Variants in FDFT1 observed in about 807,000 individuals in gnomAD.
FDFT1 encodes the protein farnesyl-diphosphate farnesyltransferase 1, also known as squalene synthase.
Under a neutral mutation model 46.8 loss-of-function variants are expected in FDFT1, and 68 were observed. The ratio of observed to expected loss-of-function variants is 1.45; its 90% CI spans 1.19 to 1.78. FDFT1 has a LOEUF of 1.78. Ranked by LOEUF, FDFT1 falls within the 40% of genes most tolerant of loss-of-function variation. The probability of loss-of-function intolerance (pLI) is 0.00; values close to 1 mark genes in which losing one functional copy is unlikely to be tolerated. For synonymous variants in FDFT1, 351 were observed against 185.1 expected (o/e 1.90, Z -7.28); for missense variants, 928 against 524.4 (o/e 1.77, Z -7.52).
At position 11,810,230 on chromosome 8, in the gene FDFT1, A is replaced by T. The variant is rs530896094; in HGVS notation, c.381+380A>T. ...GAAGTCCAGTGTTTCTTCCTGTGGGAAGACGCAGTCAAATTTTAGTGTTGT... is the reference window on the plus strand; with the variant it reads ...GAAGTCCAGTGTTTCTTCCTGTGGGTAGACGCAGTCAAATTTTAGTGTTGT... On this transcript the variant is annotated intron_variant, in intron 3 of 7. Coordinates refer to ENST00000220584, the MANE Select transcript of FDFT1 (RefSeq NM_004462.5). Among the ~76,000 whole-genome samples the T allele has an allele frequency of 1.1e-4, 16 of 152,332 alleles. No homozygotes were observed. The South Asian group carries it at 3.3e-3, about 32-fold the overall frequency.
chr8:11,814,791 T>C (rs556095457), intron 3 of FDFT1, among the ~76,000 whole-genome samples: 1 of 149,668 alleles, frequency 6.7e-6, no homozygotes, highest in African/African-American at 2.5e-5. Flanking sequence ...TAATATAAAT[T>C]GGGTAACTAA....
At chr8:11,813,420 T>A (rs890335805) in intron 3 of FDFT1, among the ~76,000 whole-genome samples, 7 of 152,226 alleles carry the variant, frequency 4.6e-5, no homozygotes, top group Non-Finnish European at 1.5e-5. Flanking sequence ...ATTTGATCTA[T>A]AACATCGTTT....
rs1435598471 is a variant in FDFT1, at chr8:11,835,949, T to C, written c.1033-2439T>C. ...AGGAGTGCGAAACCAGCCTGACTTATGTGATGAAACCCTGTCTCTACTAAA... is the reference window on the plus strand; with the variant it reads ...AGGAGTGCGAAACCAGCCTGACTTACGTGATGAAACCCTGTCTCTACTAAA... On this transcript the variant is annotated intron_variant, in intron 7 of 7. Transcript: ENST00000220584. 1.3e-4 allele frequency among the ~76,000 whole-genome samples: 16 copies of C among 127,040 alleles called. 1 individual carries two copies. The highest frequency in any genetic ancestry group is 1.7e-4 in the African/African-American group (6 of 34,852). 83.3% of individuals were successfully genotyped at this position (127,040 alleles called of 152,430 possible). A position where few individuals can be genotyped will look rare whatever the true frequency, so the allele number is the denominator to read the frequency against.
rs537894029 is a variant in FDFT1, at chr8:11,822,433, A to G, written c.510+555A>G. Among the ~76,000 whole-genome samples, 4 of 152,108 alleles carry G rather than the reference A, an allele frequency of 2.6e-5. 1 individual carries two copies. Among genetic ancestry groups the G allele is most frequent in the African/African-American group, 9.7e-5 (4 of 41,420 alleles). On this transcript the variant is annotated intron_variant, in intron 4 of 7. Transcript: ENST00000220584. ...GGGCCTCTTAATTTTTCAAACCTCA[A>G]AACTTGACAGCAGTTATCTTTGGAA...
intron 3 of FDFT1, among the ~76,000 whole-genome samples, chr8:11,814,690 T>C (rs997888374): frequency 3.3e-5 from 5 of 152,192 alleles, no homozygotes; most frequent in Non-Finnish European, 7.3e-5. Flanking sequence ...GCTTGGACTA[T>C]GGAAAAAGTA....
intron 1 of FDFT1, chr8:11,808,529 C>CT: frequency 1.5e-6 from 2 of 1,334,144 alleles, no homozygotes; most frequent in Non-Finnish European, 1.9e-6. Flanking sequence ...TGGCCGCAGC[C>CT]GCCTGCGGCA....
At chr8:11,804,499 T>G (rs1439890122) in intron 1 of FDFT1, among the ~76,000 whole-genome samples, 2 of 152,144 alleles carry the variant, frequency 1.3e-5, no homozygotes, top group Non-Finnish European at 2.9e-5. Flanking sequence ...CTGGGCAGTT[T>G]TTACATCCCC....
rs755745961 is a variant in FDFT1 at position 11,821,845 on chromosome 8, T to C, written c.477T>C (p.Asp159=). ...RMGIGMAEFL[D]KHVTSEQEWD... is the part of the protein sequence containing the mutation. ...GCATTGGGATGGCAGAGTTTTTGGA[T>C]AAGCATGTGACCTCTGAACAGGAGT... Residue 159 remains aspartate (D), a synonymous_variant, in exon 4 of 8, where the codon GAT becomes GAC. Transcript: ENST00000220584. The C allele has an allele frequency of 6.2e-6, 10 of 1,613,370 alleles. No homozygotes were observed. The highest frequency in any genetic ancestry group is 4.4e-5 in the South Asian group (4 of 91,070).
At chr8:11,802,419 A>G (rs17524874), upstream of FDFT1, 6,646 of 457,990 alleles carry the variant, frequency 0.015, 233 homozygotes, top group Admixed American at 0.086. Flanking sequence ...CCACCGCCTC[A>G]CCTCCAGTCC....
chr8:11,813,322 A>G (rs1807993525), intron 3 of FDFT1, among the ~76,000 whole-genome samples: 1 of 152,246 alleles, frequency 6.6e-6, no homozygotes, highest in African/African-American at 2.4e-5. Context: ...TTTTTAAATG[A>G]TAATAGCAAT....
intron 1 of FDFT1, among the ~76,000 whole-genome samples, chr8:11,804,600 CTTT>C (rs5889385): frequency 3.6e-4 from 35 of 97,356 alleles, no homozygotes; most frequent in East Asian, 1.3e-3. Context: ...CTTAGTTTCT[CTTT>C]TTTTTTTTTT....
chr8:11,801,828 G>A (rs1474003137), upstream of FDFT1: 4 of 386,600 alleles, frequency 1.0e-5, no homozygotes, highest in South Asian at 5.8e-5. Flanking sequence ...GGAGTAGTTG[G>A]GACTACAGGC....
intron 4 of FDFT1, among the ~76,000 whole-genome samples, chr8:11,824,682 C>G (rs901415721): frequency 1.3e-5 from 2 of 152,100 alleles, no homozygotes; most frequent in African/African-American, 4.8e-5. Flanking sequence ...GGAGATCATA[C>G]TGCTATGTAC....
intron 3 of FDFT1, among the ~76,000 whole-genome samples, chr8:11,819,067 G>T (rs1362948000): frequency 6.6e-6 from 1 of 152,164 alleles, no homozygotes; most frequent in African/African-American, 2.4e-5. Flanking sequence ...AAATCTCTGA[G>T]CATTTGCTTG....
chr8:11,830,515 T>C lies in FDFT1; in HGVS notation c.879+95T>C, dbSNP rs550711143. On this transcript the variant is annotated intron_variant, in intron 6 of 7. Coordinates refer to ENST00000220584, the MANE Select transcript of FDFT1 (RefSeq NM_004462.5). ...GCTGTGCTATATTCAAGGATATGAT[T>C]CCTTAAAAAGACGATGACTCCAGTT... is the stretch of plus-strand genomic sequence containing the variant. 9.0e-6 allele frequency: 8 copies of C among 889,888 alleles called. No individual in the cohort carries two copies. In the South Asian group the frequency reaches 9.3e-5, roughly 10 times the overall value. The allele number at this position is 889,888 out of a possible 1,614,324, so 55.1% of individuals were successfully genotyped here.
At chr8:11,834,946 A>T (rs1811334646) in intron 7 of FDFT1, among the ~76,000 whole-genome samples, 2 of 152,346 alleles carry the variant, frequency 1.3e-5, no homozygotes, top group South Asian at 4.1e-4. Context: ...CAATATGGCA[A>T]AACCCTGTCT....
At chr8:11,803,309 A>T in intron 1 of FDFT1, 2 of 1,303,040 alleles carry the variant, frequency 1.5e-6, no homozygotes, top group Non-Finnish European at 2.0e-6. Context: ...GGTAAGCGGA[A>T]TGAACTATGC....
chr8:11,825,025 G>C (rs1010799731), intron 4 of FDFT1, among the ~76,000 whole-genome samples: 1 of 151,958 alleles, frequency 6.6e-6, no homozygotes, highest in African/African-American at 2.4e-5. Flanking sequence ...ATGAGCCATC[G>C]TGCCCGGCTG....
Position 11,808,957 on chromosome 8 carries a change from A to G in FDFT1, c.197+66A>G. 3 of 1,571,354 alleles carry G rather than the reference A, an allele frequency of 1.9e-6. No homozygotes were observed. The South Asian group carries it at 3.5e-5, about 18-fold the overall frequency. On this transcript the variant is annotated intron_variant, in intron 2 of 7. Coordinates refer to ENST00000220584, the MANE Select transcript of FDFT1 (RefSeq NM_004462.5). ...TGTCCGGGACCTTTGAGTGTGTTGG[A>G]AGCTACCTTTTGATATAGCGCTCAG... is the stretch of plus-strand genomic sequence containing the variant.
Sources: allele counts gnomAD v4.1 joint callset (sites outside exome capture counted in the v4.1 genomes callset), GRCh38; gene constraint gnomAD v4.1.1; transcripts MANE v1.5; gene names NCBI Gene and HGNC (gene_info 2026-07-23, HGNC 2026-07-21).